The following WDR25 variants were observed in gnomAD, a reference collection of about 807,000 sequenced individuals.
WDR25 encodes the protein WD repeat domain 25.
In WDR25, 35 loss-of-function variants were observed where a neutral mutation model predicts 47.7. The observed-to-expected ratio is 0.73, with a 90% confidence interval of 0.56 to 0.97. The LOEUF (loss-of-function observed/expected upper bound fraction) is 0.97. Among genes scored for constraint, WDR25 ranks in the 50% least tolerant of loss-of-function variants. WDR25 has a pLI of 0.00. For missense variants in WDR25, 634 were observed against 704.7 expected (o/e 0.90, Z 1.14); for synonymous variants, 248 against 278.9 (o/e 0.89, Z 1.10).
chr14:100,481,865 C>G (rs1366265898), intron 3 of WDR25, among the ~76,000 whole-genome samples: 1 of 151,894 alleles, frequency 6.6e-6, no homozygotes, highest in Non-Finnish European at 1.5e-5. Flanking sequence ...GCTGGTGGGA[C>G]GTCTGTAACA....
At chr14:100,478,385 G>A (rs867091900) in intron 3 of WDR25, among the ~76,000 whole-genome samples, 1 of 152,204 alleles carries the variant, frequency 6.6e-6, no homozygotes, top group Admixed American at 6.5e-5. Context: ...CTGGGTCTGC[G>A]TGGCTCTGAA....
At chr14:100,396,885 G>A (rs956989470) in intron 2 of WDR25, among the ~76,000 whole-genome samples, 1 of 152,242 alleles carries the variant, frequency 6.6e-6, no homozygotes, top group African/African-American at 2.4e-5. Context: ...CCTGTTGTGA[G>A]GATAAATGTT....
In WDR25 at chr14:100,436,291, T is replaced by C. The variant is rs74680000; in HGVS notation, c.823-31730T>C. ...GTGGGAGCCGGGACGCAGGGCTGAC[T>C]ACTACACCTGGGCCCGCCTTTTCAC... On this transcript the variant is annotated intron_variant, in intron 2 of 6. Coordinates refer to ENST00000402312, the MANE Select transcript of WDR25 (RefSeq NM_001161476.3). Among the ~76,000 whole-genome samples, 407 of 152,334 alleles carry C rather than the reference T, an allele frequency of 2.7e-3. 2 individuals carry two copies. Among genetic ancestry groups the C allele is most frequent in the African/African-American group, 9.4e-3 (390 of 41,570 alleles).
intron 2 of WDR25, among the ~76,000 whole-genome samples, chr14:100,412,356 A>T (rs944495127): frequency 4.6e-5 from 7 of 152,184 alleles, no homozygotes; most frequent in Admixed American, 4.6e-4. Flanking sequence ...GTGCTCAGGA[A>T]TCATTGTTGC....
chr14:100,440,268 T>C lies in WDR25; in HGVS notation c.823-27753T>C, dbSNP rs1408254712. ...TTTTCCTCTTGGATGCGTTTGCACC[T>C]GGCAAATGAATGTGCAGGAATTCTT... On this transcript the variant is annotated intron_variant, in intron 2 of 6. Coordinates refer to ENST00000402312, the MANE Select transcript of WDR25 (RefSeq NM_001161476.3). This position sits in a 1 kb window ranked among gnomAD's most constrained non-coding sequence, Gnocchi z 4.4. Among the ~76,000 whole-genome samples, 1 of 152,250 alleles carries C rather than the reference T, an allele frequency of 6.6e-6. No homozygotes were observed. Among genetic ancestry groups the C allele is most frequent in the Admixed American group, 6.5e-5 (1 of 15,284 alleles).
At chr14:100,413,575 G>A (rs113351775) in intron 2 of WDR25, among the ~76,000 whole-genome samples, 3,722 of 152,020 alleles carry the variant, frequency 0.024, 163 homozygotes, top group African/African-American at 0.086. Context: ...CACCACGCCC[G>A]GCTAATTTTT....
rs1218281105 is a variant in WDR25 at position 100,468,344 on chromosome 14, G to A, written c.970+176G>A. On this transcript the variant is annotated intron_variant, in intron 3 of 6. Transcript: ENST00000402312. The surrounding 1 kb of genome is among the most constrained non-coding windows in gnomAD (Gnocchi z 4.5). Reference sequence around the variant, plus strand: ...CAGACTGCTTGCCCATTGGAACTGCGACTCCCCACAGAGGATGGGCCTCTG... The same window carrying A: ...CAGACTGCTTGCCCATTGGAACTGCAACTCCCCACAGAGGATGGGCCTCTG... 6.6e-6 allele frequency among the ~76,000 whole-genome samples: 1 copy of A among 152,150 alleles called. No individual in the cohort carries two copies. Among genetic ancestry groups the A allele is most frequent in the African/African-American group, 2.4e-5 (1 of 41,442 alleles).
chr14:100,518,353 TCTC>T (rs1177205167), intron 4 of WDR25, among the ~76,000 whole-genome samples: 2 of 152,216 alleles, frequency 1.3e-5, no homozygotes, highest in African/African-American at 4.8e-5. Flanking sequence ...TTCAAATTGT[TCTC>T]CTCTGTGTAA....
intron 2 of WDR25, among the ~76,000 whole-genome samples, chr14:100,402,098 C>T (rs1306153724): frequency 6.6e-6 from 1 of 152,204 alleles, no homozygotes. Flanking sequence ...CTTTATTGCA[C>T]AAATGCTCCT....
chr14:100,419,221 C>CAA (rs767240939), intron 2 of WDR25, among the ~76,000 whole-genome samples: 1,444 of 72,162 alleles, frequency 0.02, 35 homozygotes, highest in African/African-American at 0.064. Context: ...GACTCCATCA[C>CAA]AAAAAAAAAA....
At chr14:100,390,000 T>C (rs1055169062) in intron 2 of WDR25, among the ~76,000 whole-genome samples, 1 of 152,198 alleles carries the variant, frequency 6.6e-6, no homozygotes, top group Non-Finnish European at 1.5e-5. Flanking sequence ...TTTCTTGGCC[T>C]TTCTGTTTTA....
chr14:100,483,943 G>C (rs367941234), intron 3 of WDR25, 51 bp from the exon 4 acceptor site: 10 of 1,560,772 alleles, frequency 6.4e-6, no homozygotes, highest in African/African-American at 1.4e-5. Context: ...TAAGATATTT[G>C]TTTTGTGACC....
At chr14:100,389,799 C>A (rs1897098647) in intron 2 of WDR25, among the ~76,000 whole-genome samples, 1 of 152,242 alleles carries the variant, frequency 6.6e-6, no homozygotes, top group African/African-American at 2.4e-5. Flanking sequence ...GCTTGTGGGG[C>A]TGTTCCAGGC....
In WDR25 at chr14:100,411,686, G is replaced by A. The variant is rs145341482; in HGVS notation, c.822+29940G>A. ...CTAGTAGCTGGGACTACAGGCACCCGCCACCACACCCAGCAAATTTTTGTA... is the reference window on the plus strand; with the variant it reads ...CTAGTAGCTGGGACTACAGGCACCCACCACCACACCCAGCAAATTTTTGTA... On this transcript the variant is annotated intron_variant, in intron 2 of 6. Transcript: ENST00000402312. 2.3e-3 allele frequency among the ~76,000 whole-genome samples: 347 copies of A among 152,048 alleles called. 3 individuals are homozygous for A. The highest frequency in any genetic ancestry group is 7.9e-3 in the African/African-American group (326 of 41,480).
chr14:100,394,676 A>G (rs1011271333), intron 2 of WDR25, among the ~76,000 whole-genome samples: 1 of 152,218 alleles, frequency 6.6e-6, no homozygotes, highest in Non-Finnish European at 1.5e-5. Context: ...GAACAGGAAT[A>G]TATGGGAGAG....
chr14:100,432,456 C>T (rs925925764), intron 2 of WDR25, among the ~76,000 whole-genome samples: 1 of 152,122 alleles, frequency 6.6e-6, no homozygotes, highest in Non-Finnish European at 1.5e-5. Context: ...ACAAAAAATC[C>T]ATCTTCTCAC....
At position 100,453,063 on chromosome 14, in the gene WDR25, A is replaced by G. The variant is rs192882781; in HGVS notation, c.823-14958A>G. On this transcript the variant is annotated intron_variant, in intron 2 of 6. Coordinates refer to ENST00000402312, the MANE Select transcript of WDR25 (RefSeq NM_001161476.3). ...GTTGGGTTGACAGAGCTGACGAGTG[A>G]GGGGGAAGGGCATAAAGGAGGACCT... 2.6e-5 allele frequency among the ~76,000 whole-genome samples: 4 copies of G among 152,140 alleles called. No homozygotes were observed. The East Asian group carries it at 7.8e-4, about 30-fold the overall frequency.
At chr14:100,475,501 A>G (rs1899987769) in intron 3 of WDR25, among the ~76,000 whole-genome samples, 1 of 152,236 alleles carries the variant, frequency 6.6e-6, no homozygotes, top group Admixed American at 6.5e-5. Flanking sequence ...CCTGGAGGAC[A>G]TTACAATAAG....
chr14:100,472,831 C>T (rs149668960), intron 3 of WDR25, among the ~76,000 whole-genome samples: 5 of 152,344 alleles, frequency 3.3e-5, no homozygotes, highest in Non-Finnish European at 7.3e-5. Flanking sequence ...CCAGCCTGCC[C>T]GGCCTGACCC....
Sources: gnomAD v4.1 joint callset for allele counts (sites outside exome capture counted in the v4.1 genomes callset) on GRCh38, gnomAD v4.1.1 for gene constraint, Gnocchi (gnomAD v3.1) non-coding constraint, MANE v1.5 for transcripts, NCBI Gene and HGNC (gene_info 2026-07-23, HGNC 2026-07-21) for gene names.